NALCN: variants seen among roughly 807,000 people sequenced by gnomAD.
NALCN encodes the protein sodium leak channel, non-selective, also known as sodium leak channel NALCN.
A neutral mutation model predicts 225.3 loss-of-function variants in NALCN; 111 were observed. That is an observed-to-expected ratio of 0.49 (90% CI 0.42 to 0.58). The LOEUF (loss-of-function observed/expected upper bound fraction) is 0.58, where lower values mean the gene tolerates loss of function less well. Among genes scored for constraint, NALCN ranks in the 20% least tolerant of loss-of-function variants. The pLI is 0.00. For missense variants in NALCN, 1,378 were observed against 2,202.4 expected (o/e 0.63, Z 7.49); for synonymous variants, 764 against 769.0 (o/e 0.99, Z 0.11).
At chr13:101,354,840 G>T (rs910462653) in intron 6 of NALCN, among the ~76,000 whole-genome samples, 3 of 152,100 alleles carry the variant, frequency 2.0e-5, no homozygotes, top group Non-Finnish European at 4.4e-5. Context: ...TTTCAAGGTG[G>T]CCAGACATAC....
chr13:101,067,824 G>T, intron 39 of NALCN, 94 bp downstream of exon 39: 1 of 847,630 alleles, frequency 1.2e-6, no homozygotes. Flanking sequence ...AATTCAATCT[G>T]TGTCATTTGC....
chr13:101,353,967 G>A (rs946866723), intron 6 of NALCN, among the ~76,000 whole-genome samples: 1 of 152,108 alleles, frequency 6.6e-6, no homozygotes, highest in African/African-American at 2.4e-5. Flanking sequence ...TATGGATAAG[G>A]GACAGTGCAC....
intron 13 of NALCN, among the ~76,000 whole-genome samples, chr13:101,222,304 C>T (rs1364999777): frequency 2.0e-5 from 3 of 152,014 alleles, no homozygotes; most frequent in Non-Finnish European, 2.9e-5. Flanking sequence ...CATAGGCGCT[C>T]ACCCCCATCT....
chr13:101,144,767 T>C lies in NALCN; in HGVS notation c.1969A>G (p.Lys657Glu), dbSNP rs1164277211. Residue 657 changes from lysine (K) to glutamate (E), a missense_variant, in exon 16 of 44, where the codon AAA (lysine) becomes GAA (glutamate). Lys to Glu is a moderately conservative substitution (Grantham distance 56). This residue lies in a region of NALCN where 62 missense variants were observed against 143.6 expected (regional missense o/e 0.43). Transcript: ENST00000251127. ...SKLPSDFTVP[K>E]IRESFMKQFI... ...AAAGAAGTATTTTGGTACCTGATTT[T>C]AGGAACTGTAAAATCTGAAGGAAGC... 5.6e-6 allele frequency: 9 copies of C among 1,604,986 alleles called. No homozygotes were observed. The highest frequency in any genetic ancestry group is 7.6e-6 in the Non-Finnish European group (9 of 1,177,410).
At chr13:101,148,421 A>G (rs1306354263) in intron 15 of NALCN, among the ~76,000 whole-genome samples, 1 of 152,052 alleles carries the variant, frequency 6.6e-6, no homozygotes, top group Non-Finnish European at 1.5e-5. Flanking sequence ...CCTTTTCCTT[A>G]TAGATGCCAA....
In NALCN at chr13:101,058,114, T is replaced by TTACTA. The variant is rs1321830919; in HGVS notation, c.4906-63_4906-59dup. The stretch of plus-strand genomic sequence containing the variant: ...TTTTTAACCCTGCGCTCTCCTCCTT[T>TTACTA]TACTATAAGAAAGGAAAACACATGG... On this transcript the variant is annotated intron_variant, in intron 42 of 43. Transcript: ENST00000251127. The TTACTA allele has an allele frequency of 8.3e-6, 12 of 1,451,996 alleles. No individual in the cohort carries two copies. The African/African-American group carries it at 1.7e-4, about 20-fold the overall frequency. The allele number at this position is 1,451,996 out of a possible 1,614,324, so 89.9% of individuals were successfully genotyped here.
intron 1 of NALCN, among the ~76,000 whole-genome samples, chr13:101,406,184 G>A (rs886127470): frequency 1.3e-5 from 2 of 151,638 alleles, no homozygotes; most frequent in Non-Finnish European, 2.9e-5. Context: ...AAATTAGCTG[G>A]GAGTACTGGC....
chr13:101,278,131 C>T (rs568365448), intron 10 of NALCN, among the ~76,000 whole-genome samples: 6 of 152,140 alleles, frequency 3.9e-5, no homozygotes, highest in African/African-American at 1.4e-4. Flanking sequence ...ATTATTGATA[C>T]CTCATTTTTT....
At chr13:101,346,831 G>A (rs552199417) in intron 6 of NALCN, among the ~76,000 whole-genome samples, 1 of 152,226 alleles carries the variant, frequency 6.6e-6, no homozygotes, top group African/African-American at 2.4e-5. Context: ...AGATTGAGCA[G>A]ACGCCAAAGT....
At chr13:101,092,066 C>T (rs658213) in intron 28 of NALCN, among the ~76,000 whole-genome samples, 115,484 of 151,822 alleles carry the variant, frequency 0.76, 44,734 homozygotes, top group African/African-American at 0.89. Context: ...ATCCCAAATG[C>T]CATCTATTAT....
At chr13:101,165,150 C>A (rs1426248316) in intron 15 of NALCN, among the ~76,000 whole-genome samples, 1 of 152,166 alleles carries the variant, frequency 6.6e-6, no homozygotes, top group Non-Finnish European at 1.5e-5. Flanking sequence ...ATGCATACCA[C>A]AATGGCAAAA....
intron 22 of NALCN, 112 bp downstream of exon 22, chr13:101,107,375 A>G (rs909006866): frequency 4.0e-5 from 62 of 1,540,232 alleles, no homozygotes; most frequent in Non-Finnish European, 5.3e-5. Context: ...ATTAGTCCGC[A>G]GTTTATTTTG....
chr13:101,101,024 C>T, intron 26 of NALCN, 136 bp from the exon 27 acceptor site: 2 of 633,014 alleles, frequency 3.2e-6, no homozygotes, highest in Non-Finnish European at 5.1e-6. Flanking sequence ...ATTTTAACTT[C>T]TCCACCATAG....
chr13:101,214,168 C>T (rs540955126), intron 13 of NALCN, among the ~76,000 whole-genome samples: 4 of 152,122 alleles, frequency 2.6e-5, no homozygotes, highest in Admixed American at 2.6e-4. Flanking sequence ...AGGTGGAAAC[C>T]ATCATTCTGA....
chr13:101,401,093 C>G (rs907997058), intron 1 of NALCN, among the ~76,000 whole-genome samples: 1 of 152,124 alleles, frequency 6.6e-6, no homozygotes, highest in African/African-American at 2.4e-5. Flanking sequence ...TGAAAACGGA[C>G]GGATTCACCT....
chr13:101,212,081 C>T (rs1415465492), intron 13 of NALCN, among the ~76,000 whole-genome samples: 1 of 152,152 alleles, frequency 6.6e-6, no homozygotes, highest in Non-Finnish European at 1.5e-5. Flanking sequence ...TTTCCCATTG[C>T]TACTGCCATC....
intron 7 of NALCN, among the ~76,000 whole-genome samples, chr13:101,303,196 A>T (rs2139106352): frequency 6.6e-6 from 1 of 152,350 alleles, no homozygotes; most frequent in South Asian, 2.1e-4. Flanking sequence ...CAGAAACCAG[A>T]AGTCAAAAAA....
At position 101,254,663 on chromosome 13, in the gene NALCN, G is replaced by A. The variant is rs1424187092; in HGVS notation, c.1266+3780C>T. Among the ~76,000 whole-genome samples, 20 of 72,824 alleles carry A rather than the reference G, an allele frequency of 2.7e-4. 1 individual carries two copies. In the East Asian group the frequency reaches 5.6e-3, roughly 20 times the overall value. 47.8% of individuals were successfully genotyped at this position (72,824 alleles called of 152,430 possible). ...TCCCAGCACTTTGGGAGGCCGAGGCGGGCGGATCACGAGGTCAGGAGATCG... is the reference window on the plus strand; with the variant it reads ...TCCCAGCACTTTGGGAGGCCGAGGCAGGCGGATCACGAGGTCAGGAGATCG... On this transcript the variant is annotated intron_variant, in intron 11 of 43. Transcript: ENST00000251127.
chr13:101,383,953 T>A (rs977857635), intron 3 of NALCN, among the ~76,000 whole-genome samples: 2 of 152,210 alleles, frequency 1.3e-5, no homozygotes, highest in Admixed American at 1.3e-4. Flanking sequence ...AATAAGTTTA[T>A]AATACTTTTA....
Sources: gnomAD v4.1 joint callset for allele counts (sites outside exome capture counted in the v4.1 genomes callset) on GRCh38, gnomAD v4.1.1 for gene constraint, gnomAD v4.1.1 regional missense constraint, MANE v1.5 for transcripts, NCBI Gene and HGNC (gene_info 2026-07-23, HGNC 2026-07-21) for gene names.